SHROOM3: variants seen among roughly 807,000 people sequenced by gnomAD.
SHROOM3 encodes the protein shroom family member 3.
Under a neutral mutation model 138.6 loss-of-function variants are expected in SHROOM3, and 47 were observed. The observed-to-expected ratio is 0.34, with a 90% CI of 0.27 to 0.43. The LOEUF is 0.43. Ranked by LOEUF, SHROOM3 falls within the 20% of genes least tolerant of loss-of-function variation. The pLI, the probability that SHROOM3 is intolerant of heterozygous loss-of-function variation, is 1.00. For missense variants in SHROOM3, 2,491 were observed against 2,596.5 expected, an observed-to-expected ratio of 0.96 and a Z score of 0.88; for synonymous variants, 1,062 against 1,063.3, an observed-to-expected ratio of 1.00 and a Z score of 0.02.
intron 1 of SHROOM3, among the ~76,000 whole-genome samples, chr4:76,479,156 A>C (rs1000060725): frequency 1.3e-5 from 2 of 152,106 alleles, no homozygotes; most frequent in African/African-American, 4.8e-5. Flanking sequence ...GAAGTAGGGT[A>C]CAGAAGGTAT....
intron 2 of SHROOM3, among the ~76,000 whole-genome samples, chr4:76,627,728 A>G (rs1170049058): frequency 6.6e-6 from 1 of 150,636 alleles, no homozygotes; most frequent in African/African-American, 2.4e-5. Context: ...GTGGCTATTC[A>G]TAGGCATGAT....
At chr4:76,694,213 C>T (rs924082085) in intron 2 of SHROOM3, among the ~76,000 whole-genome samples, 1 of 152,156 alleles carries the variant, frequency 6.6e-6, no homozygotes, top group African/African-American at 2.4e-5. Context: ...TTACTGAGAA[C>T]GCATTAGCCT....
intron 9 of SHROOM3, 149 bp from the exon 10 acceptor site, chr4:76,770,477 G>GAAAGAA: frequency 1.1e-6 from 1 of 912,352 alleles, no homozygotes; most frequent in Non-Finnish European, 1.7e-6. Context: ...AGGCTATTAT[G>GAAAGAA]GCATAATATT....
In SHROOM3 at chr4:76,555,777, C is replaced by G. The variant is rs761993561; in HGVS notation, c.323+14C>G. On this transcript the variant is annotated intron_variant, in intron 2 of 10. Transcript: ENST00000296043. The stretch of plus-strand genomic sequence containing the variant: ...GGTAGTGCGCAGGTAGGTGGCAGAC[C>G]CCCACCCTGTCCCTCCTACCACCTC... The G allele has an allele frequency of 1.2e-6, 2 of 1,610,180 alleles. No homozygotes were observed. The highest frequency in any genetic ancestry group is 1.7e-6 in the Non-Finnish European group (2 of 1,179,690).
At chr4:76,617,439 C>T (rs549367824) in intron 2 of SHROOM3, among the ~76,000 whole-genome samples, 1 of 152,226 alleles carries the variant, frequency 6.6e-6, no homozygotes, top group African/African-American at 2.4e-5. Flanking sequence ...ATATATAATG[C>T]TTTAACTGAA....
Position 76,738,184 on chromosome 4 carries a change from C to T in SHROOM3, c.588-577C>T, listed in dbSNP as rs142530246. 2.6e-5 allele frequency among the ~76,000 whole-genome samples: 4 copies of T among 152,304 alleles called. No individual in the cohort carries two copies. The East Asian group carries it at 7.7e-4, about 29-fold the overall frequency. On this transcript the variant is annotated intron_variant, in intron 4 of 10. Transcript: ENST00000296043. ...TCTGACTCTAATTTCTCTCATTCAG[C>T]TTTGTGTTTAGCTTTCCCACCACAA...
intron 1 of SHROOM3, among the ~76,000 whole-genome samples, chr4:76,541,959 A>C (rs1410817114): frequency 1.3e-5 from 2 of 152,116 alleles, no homozygotes; most frequent in Admixed American, 6.5e-5. Context: ...GATGGTGCTC[A>C]TTCTCCCTCC....
chr4:76,660,366 A>C (rs886298767), intron 2 of SHROOM3, among the ~76,000 whole-genome samples: 1 of 152,158 alleles, frequency 6.6e-6, no homozygotes, highest in East Asian at 1.9e-4. Context: ...CATTCATTTG[A>C]GTTAACTCTT....
At chr4:76,613,114 G>A (rs1395953519) in intron 2 of SHROOM3, among the ~76,000 whole-genome samples, 1 of 152,074 alleles carries the variant, frequency 6.6e-6, no homozygotes, top group Non-Finnish European at 1.5e-5. Flanking sequence ...CCAGCATAAC[G>A]AGTTGGTGGG....
intron 1 of SHROOM3, among the ~76,000 whole-genome samples, chr4:76,500,153 G>A (rs1264290532): frequency 6.6e-6 from 1 of 152,142 alleles, no homozygotes; most frequent in African/African-American, 2.4e-5. Context: ...TTTTCTGCTA[G>A]CCGCTCCAGA....
At position 76,657,890 on chromosome 4, in the gene SHROOM3, G is replaced by A. The variant is rs541994741; in HGVS notation, c.324-52266G>A. On this transcript the variant is annotated intron_variant, in intron 2 of 10. Transcript: ENST00000296043. ...CATATTCTAAGATCAGTGCCAGCTG[G>A]GTGTTCCCTTCTGGTCAAGTGGAGA... 2.9e-4 allele frequency among the ~76,000 whole-genome samples: 44 copies of A among 152,280 alleles called. 1 individual carries two copies. Among genetic ancestry groups the A allele is most frequent in the African/African-American group, 1.0e-3 (42 of 41,550 alleles).
In SHROOM3 at chr4:76,462,488, T is replaced by C. The variant is rs189262717; in HGVS notation, c.168+26268T>C. On this transcript the variant is annotated intron_variant, in intron 1 of 10. Transcript: ENST00000296043. Reference sequence around the variant, plus strand: ...CCCAAACTTCATTTACCACTTGATATGGTTTGGATTTGTGTCCCCACCCAA... The same window carrying C: ...CCCAAACTTCATTTACCACTTGATACGGTTTGGATTTGTGTCCCCACCCAA... Among the ~76,000 whole-genome samples, 228 of 152,276 alleles carry C rather than the reference T, an allele frequency of 1.5e-3. 1 individual carries two copies. Among genetic ancestry groups the C allele is most frequent in the African/African-American group, 5.3e-3 (219 of 41,542 alleles).
At chr4:76,760,160 A>G (rs1434905543) in intron 9 of SHROOM3, among the ~76,000 whole-genome samples, 2 of 152,236 alleles carry the variant, frequency 1.3e-5, no homozygotes, top group Non-Finnish European at 2.9e-5. Flanking sequence ...TTCTGAGAAA[A>G]AGTAATATTA....
At chr4:76,684,382 G>T (rs1719278124) in intron 2 of SHROOM3, among the ~76,000 whole-genome samples, 1 of 152,132 alleles carries the variant, frequency 6.6e-6, no homozygotes, top group Non-Finnish European at 1.5e-5. Context: ...ATCCCTGTAG[G>T]TCTCATTCTG....
At chr4:76,778,732 G>A in intron 10 of SHROOM3, 77 bp from the exon 11 acceptor site, 1 of 1,595,358 alleles carries the variant, frequency 6.3e-7, no homozygotes, top group Non-Finnish European at 8.6e-7. Flanking sequence ...AGTCCTGTCA[G>A]AGGTGTCCTT....
At chr4:76,532,042 T>C (rs1045739889) in intron 1 of SHROOM3, among the ~76,000 whole-genome samples, 16 of 150,342 alleles carry the variant, frequency 1.1e-4, no homozygotes, top group Non-Finnish European at 2.4e-4. Flanking sequence ...TATCTCCTAA[T>C]GCTATCCCTC....
At chr4:76,558,906 G>A (rs1733543028) in intron 2 of SHROOM3, among the ~76,000 whole-genome samples, 1 of 152,194 alleles carries the variant, frequency 6.6e-6, no homozygotes, top group Non-Finnish European at 1.5e-5. Flanking sequence ...GGGCTTGGCT[G>A]CCAGGCGGCC....
intron 1 of SHROOM3, among the ~76,000 whole-genome samples, chr4:76,548,214 G>C (rs985383390): frequency 6.8e-6 from 1 of 146,060 alleles, no homozygotes; most frequent in Non-Finnish European, 1.5e-5. Flanking sequence ...TGGAAGGCCA[G>C]GGGCTGGTAT....
chr4:76,688,840 CA>C, intron 2 of SHROOM3: 1 of 985,114 alleles, frequency 1.0e-6, no homozygotes, highest in Non-Finnish European at 1.2e-6. Context: ...CTTATGGAAA[CA>C]AAAACAGGCC....
Sources: gnomAD v4.1 joint callset for allele counts (sites outside exome capture counted in the v4.1 genomes callset) on GRCh38, gnomAD v4.1.1 for gene constraint, MANE v1.5 for transcripts, NCBI Gene and HGNC (gene_info 2026-07-23, HGNC 2026-07-21) for gene names.